The following PMEPA1 variants were observed in gnomAD, a reference collection of about 807,000 sequenced individuals.
The protein encoded by PMEPA1 is prostate transmembrane protein, androgen induced 1.
A neutral mutation model predicts 23.0 loss-of-function variants in PMEPA1; 11 were observed. The observed-to-expected ratio is 0.48, with a 90% CI of 0.30 to 0.79. The LOEUF is 0.79. PMEPA1 is among the 30% of genes least tolerant of loss of function. PMEPA1 has a pLI of 0.06. For synonymous variants in PMEPA1, 204 were observed against 166.4 expected (o/e 1.23, Z -1.74); for missense variants, 377 against 390.9 (o/e 0.96, Z 0.30).
chr20:57,681,986 C>T (rs1013461222), intron 1 of PMEPA1, among the ~76,000 whole-genome samples: 5 of 152,202 alleles, frequency 3.3e-5, no homozygotes, highest in Non-Finnish European at 7.3e-5. Context: ...AGTCATGTGA[C>T]ACTGTCGAAT....
intron 1 of PMEPA1, among the ~76,000 whole-genome samples, chr20:57,706,432 C>T (rs1330810173): frequency 1.3e-5 from 2 of 152,170 alleles, no homozygotes. Context: ...ACTCGTGCTG[C>T]CTGCTTTTAA....
chr20:57,710,657 CG>C (rs202018042), upstream of PMEPA1: 1,018 of 542,276 alleles, frequency 1.9e-3, 14 homozygotes, highest in African/African-American at 0.018. Flanking sequence ...CCGCCCCAGC[CG>C]GCGGGACCTG....
chr20:57,660,484 CACACACA>C (rs2071399791), intron 1 of PMEPA1, among the ~76,000 whole-genome samples: 1 of 147,898 alleles, frequency 6.8e-6, no homozygotes, highest in African/African-American at 2.5e-5. Context: ...AACACTCCTA[CACACACA>C]ACACCCCAAC....
At chr20:57,705,509 G>T (rs1266246212) in intron 1 of PMEPA1, among the ~76,000 whole-genome samples, 1 of 152,194 alleles carries the variant, frequency 6.6e-6, no homozygotes, top group Non-Finnish European at 1.5e-5. Flanking sequence ...TAACGCCAGG[G>T]TCTCTCCTTA....
chr20:57,694,273 T>C (rs1007683641), intron 1 of PMEPA1, among the ~76,000 whole-genome samples: 1 of 152,226 alleles, frequency 6.6e-6, no homozygotes, highest in East Asian at 1.9e-4. Flanking sequence ...GCCTTCCCGA[T>C]TTTTGCCATA....
At chr20:57,658,403 T>A (rs2071357633) in intron 2 of PMEPA1, among the ~76,000 whole-genome samples, 1 of 152,196 alleles carries the variant, frequency 6.6e-6, no homozygotes, top group Admixed American at 6.5e-5. Context: ...TCCGTGCACC[T>A]GCTCCTGTCT....
intron 1 of PMEPA1, chr20:57,690,520 T>G: frequency 1.5e-6 from 2 of 1,296,528 alleles, no homozygotes; most frequent in Non-Finnish European, 2.0e-6. Flanking sequence ...ATTTTTATTG[T>G]GAAGCAAAAA....
rs1476000011 is a variant in PMEPA1, at chr20:57,682,185, C to T, written c.110-22488G>A. Among the ~76,000 whole-genome samples the T allele has an allele frequency of 1.3e-5, 2 of 152,204 alleles. No homozygotes were observed. The highest frequency in any genetic ancestry group is 2.9e-5 in the Non-Finnish European group (2 of 68,032). ...CCAAATACCGGGTCTGTCCTCCTTC[C>T]TTAGGTCACTATTACACACAGACAG... On this transcript the variant is annotated intron_variant, in intron 1 of 3. Coordinates refer to ENST00000341744, the MANE Select transcript of PMEPA1 (RefSeq NM_020182.5). This position sits in a 1 kb window ranked among gnomAD's most constrained non-coding sequence, Gnocchi z 4.4.
At position 57,652,158 on chromosome 20, in the gene PMEPA1, G is replaced by T; in HGVS notation, c.759C>A (p.Pro253=). Residue 253 remains proline, a synonymous_variant, in exon 4 of 4, where the codon CCC becomes CCA. Coordinates refer to ENST00000341744, the MANE Select transcript of PMEPA1 (RefSeq NM_020182.5). This position sits in a 1 kb window ranked among gnomAD's most constrained non-coding sequence, Gnocchi z 6.1. Reference sequence around the variant, plus strand: ...GGAGCCGGGTCCCCTCCAGCAAGGAGGGCGGCCCACTGCTCTGCTGGTGCT... The same window carrying T: ...GGAGCCGGGTCCCCTCCAGCAAGGATGGCGGCCCACTGCTCTGCTGGTGCT... ...SFQHQQSSGP[P]SLLEGTRLHH... 2.5e-6 allele frequency: 4 copies of T among 1,604,916 alleles called. No individual in the cohort carries two copies. Among genetic ancestry groups the T allele is most frequent in the Non-Finnish European group, 3.4e-6 (4 of 1,175,940 alleles).
chr20:57,687,194 C>T (rs2071812387), intron 1 of PMEPA1, among the ~76,000 whole-genome samples: 2 of 152,214 alleles, frequency 1.3e-5, no homozygotes, highest in Admixed American at 6.5e-5. Flanking sequence ...AGATGTGGAG[C>T]AATGTTCTTT....
chr20:57,667,524 T>C (rs1034362266), intron 1 of PMEPA1, among the ~76,000 whole-genome samples: 1 of 152,050 alleles, frequency 6.6e-6, no homozygotes, highest in Non-Finnish European at 1.5e-5. Flanking sequence ...GCCGGCCCCA[T>C]GGAGGTTTCC....
At chr20:57,664,266 G>A (rs1032949592) in intron 1 of PMEPA1, among the ~76,000 whole-genome samples, 3 of 152,140 alleles carry the variant, frequency 2.0e-5, no homozygotes, top group African/African-American at 7.2e-5. Context: ...GACACTGTCG[G>A]TCCCCACCCC....
chr20:57,688,767 C>A (rs1397771318), intron 1 of PMEPA1, among the ~76,000 whole-genome samples: 1 of 152,232 alleles, frequency 6.6e-6, no homozygotes, highest in Non-Finnish European at 1.5e-5. Flanking sequence ...GGGAATCAAA[C>A]TGGAGATTCT....
intron 1 of PMEPA1, among the ~76,000 whole-genome samples, chr20:57,700,830 C>T (rs1244761537): frequency 1.3e-5 from 2 of 152,176 alleles, no homozygotes; most frequent in East Asian, 3.9e-4. Flanking sequence ...GAGTTTGAGA[C>T]CAGCCTGGCC....
At chr20:57,690,391 T>C (rs1417769817) in intron 1 of PMEPA1, 2 of 1,283,700 alleles carry the variant, frequency 1.6e-6, no homozygotes, top group African/African-American at 3.1e-5. Flanking sequence ...AGAAGAAACT[T>C]ACCTCCATGT....
chr20:57,669,139 G>T (rs1273309150), intron 1 of PMEPA1, among the ~76,000 whole-genome samples: 1 of 115,972 alleles, frequency 8.6e-6, no homozygotes, highest in Non-Finnish European at 1.8e-5. Flanking sequence ...GAATAAAAAA[G>T]CACATTTATT....
chr20:57,700,039 C>T, intron 1 of PMEPA1: 1 of 471,234 alleles, frequency 2.1e-6, no homozygotes, highest in Non-Finnish European at 4.4e-6. Flanking sequence ...TAACCACTGA[C>T]ACTCAGGCAA....
At chr20:57,664,060 T>C (rs1167185512) in intron 1 of PMEPA1, among the ~76,000 whole-genome samples, 1 of 152,212 alleles carries the variant, frequency 6.6e-6, no homozygotes, top group Non-Finnish European at 1.5e-5. Flanking sequence ...GGGACAGGAA[T>C]GCATTCTCTG....
chr20:57,671,340 C>T (rs954868337), intron 1 of PMEPA1, among the ~76,000 whole-genome samples: 8 of 152,146 alleles, frequency 5.3e-5, no homozygotes, highest in South Asian at 2.1e-4. Context: ...GGAGAGTGGA[C>T]GACAAATGGG....
Sources: allele counts gnomAD v4.1 joint callset (sites outside exome capture counted in the v4.1 genomes callset), GRCh38; gene constraint gnomAD v4.1.1; non-coding constraint Gnocchi (gnomAD v3.1); transcripts MANE v1.5; gene names NCBI Gene and HGNC (gene_info 2026-07-23, HGNC 2026-07-21).